INSIG1: variants seen among roughly 807,000 people sequenced by gnomAD.
The protein encoded by INSIG1 is insulin induced gene 1, also known as insulin-induced gene 1 protein.
In INSIG1, 14 loss-of-function variants were observed where a neutral mutation model predicts 26.5. The observed-to-expected ratio is 0.53, with a 90% CI of 0.35 to 0.83. The LOEUF (loss-of-function observed/expected upper bound fraction) is 0.83. INSIG1 is among the 40% of genes least tolerant of loss of function. INSIG1 has a pLI of 0.01. For missense variants in INSIG1, 272 were observed against 368.9 expected, an observed-to-expected ratio of 0.74 and a Z score of 2.15; for synonymous variants, 147 against 153.3, an observed-to-expected ratio of 0.96 and a Z score of 0.30.
rs1344595902 is a variant in INSIG1, at chr7:155,299,274, T to C, written c.412+577T>C. 2.0e-5 allele frequency among the ~76,000 whole-genome samples: 3 copies of C among 152,330 alleles called. 1 individual carries two copies. Among genetic ancestry groups the C allele is most frequent in the Middle Eastern group, 6.8e-3 (2 of 292 alleles). ...TGTTAGAGCTCTGTAGATTACGTTC[T>C]TAAGGAAAAGAGTAACCCCCTTACG... On this transcript the variant is annotated intron_variant, in intron 2 of 5. Coordinates refer to ENST00000340368, the MANE Select transcript of INSIG1 (RefSeq NM_005542.6).
chr7:155,298,178 C>T (rs1433445040), intron 1 of INSIG1, 81 bp from the exon 2 acceptor site: 4 of 1,218,894 alleles, frequency 3.3e-6, no homozygotes, highest in Admixed American at 4.0e-5. Context: ...CCGCCTGGCC[C>T]GGGTGCCGGG....
intron 5 of INSIG1, among the ~76,000 whole-genome samples, chr7:155,304,650 GA>G (rs1374208351): frequency 6.6e-6 from 1 of 152,174 alleles, no homozygotes; most frequent in East Asian, 1.9e-4. Context: ...ATGGTTGGAG[GA>G]AACATTTTCG....
chr7:155,300,565 C>T (rs1355027167), intron 2 of INSIG1, among the ~76,000 whole-genome samples: 1 of 152,114 alleles, frequency 6.6e-6, no homozygotes, highest in Non-Finnish European at 1.5e-5. Flanking sequence ...GACACAGTGA[C>T]CCTTGTGTCC....
intron 2 of INSIG1, 86 bp downstream of exon 2, chr7:155,298,783 T>G: frequency 8.2e-7 from 1 of 1,225,726 alleles, no homozygotes; most frequent in African/African-American, 1.5e-5. Context: ...AACATGCATT[T>G]GAAACTGGAA....
rs1431302565 is a variant in INSIG1 at position 155,298,508 on chromosome 7, C to T, written c.223C>T (p.Pro75Ser). 1 of 1,585,330 alleles carries T rather than the reference C, an allele frequency of 6.3e-7. No individual in the cohort carries two copies. The highest frequency in any genetic ancestry group is 1.8e-5 in the Admixed American group (1 of 56,262). Reference protein sequence around the residue: ...AAMSGPEPGSPYPNTWHHRLL... With the variant: ...AAMSGPEPGSSYPNTWHHRLL... ...GATGAGCGGCCCCGAGCCCGGCAGC[C>T]CCTACCCCAACACCTGGCATCATCG... Residue 75 changes from proline to serine, a missense_variant, in exon 2 of 6, where the codon CCC (proline) becomes TCC (serine). This residue lies in a region of INSIG1 where 161 missense variants were observed against 179.2 expected (regional missense o/e 0.90). Transcript: ENST00000340368.
rs923388499 is a variant in INSIG1, at chr7:155,302,181, C to A, written c.538-70C>A. On this transcript the variant is annotated intron_variant, in intron 3 of 5. Coordinates refer to ENST00000340368, the MANE Select transcript of INSIG1 (RefSeq NM_005542.6). The surrounding 1 kb of genome is among the most constrained non-coding windows in gnomAD (Gnocchi z 4.3). ...AATAATAAAATACCCATGTTTTTAACCCTTGTGGTTTTACGTTTTTTTATC... is the reference window on the plus strand; with the variant it reads ...AATAATAAAATACCCATGTTTTTAAACCTTGTGGTTTTACGTTTTTTTATC... 2.4e-6 allele frequency: 3 copies of A among 1,238,892 alleles called. No individual in the cohort carries two copies. The highest frequency in any genetic ancestry group is 1.6e-5 in the South Asian group (1 of 61,602). 76.7% of individuals were successfully genotyped at this position (1,238,892 alleles called of 1,614,324 possible).
In INSIG1 at chr7:155,299,357, A is replaced by G. The variant is rs148314703; in HGVS notation, c.412+660A>G. ...ATAGATGCTGTACAACGTAACACTG[A>G]GTCAGTCTGAACTGTGGACACGGGG... On this transcript the variant is annotated intron_variant, in intron 2 of 5. Coordinates refer to ENST00000340368, the MANE Select transcript of INSIG1 (RefSeq NM_005542.6). 3.5e-3 allele frequency among the ~76,000 whole-genome samples: 535 copies of G among 152,320 alleles called. 7 individuals are homozygous for G. Among genetic ancestry groups the G allele is most frequent in the African/African-American group, 0.012 (502 of 41,566 alleles).
In INSIG1 at chr7:155,308,374, C is replaced by A. The variant is rs548765721; in HGVS notation, c.*104C>A. Reference sequence around the variant, plus strand: ...TTTTTCTTAAGTAATCTATTTAGATCGGGCTGACTGTACAAATGACTCCTG... The same window carrying A: ...TTTTTCTTAAGTAATCTATTTAGATAGGGCTGACTGTACAAATGACTCCTG... On this transcript the variant is annotated 3_prime_UTR_variant, in exon 6 of 6. Coordinates refer to ENST00000340368, the MANE Select transcript of INSIG1 (RefSeq NM_005542.6). The A allele has an allele frequency of 7.4e-7, 1 of 1,345,654 alleles. No homozygotes were observed. Among genetic ancestry groups the A allele is most frequent in the Admixed American group, 1.7e-5 (1 of 59,320 alleles). 83.4% of individuals were successfully genotyped at this position (1,345,654 alleles called of 1,614,324 possible). A position where few individuals can be genotyped will look rare whatever the true frequency, so the allele number is the denominator to read the frequency against.
intron 5 of INSIG1, chr7:155,303,822 C>T (rs1489817886): frequency 8.1e-6 from 11 of 1,358,268 alleles, no homozygotes; most frequent in Non-Finnish European, 7.9e-6. Flanking sequence ...TTATTTTTGC[C>T]AGCTGATACC....
rs9768652 is a variant in INSIG1, at chr7:155,302,882, C to T, written c.804+36C>T. 0.15 allele frequency: 210,512 copies of T among 1,377,302 alleles called. 17,821 individuals carry two copies. The highest frequency in any genetic ancestry group is 0.29 in the African/African-American group (19,993 of 69,856). The allele number at this position is 1,377,302 out of a possible 1,614,324, so 85.3% of individuals were successfully genotyped here. On this transcript the variant is annotated intron_variant, in intron 5 of 5. Transcript: ENST00000340368. This position sits in a 1 kb window ranked among gnomAD's most constrained non-coding sequence, Gnocchi z 4.3. Reference sequence around the variant, plus strand: ...TGATCATATTATCTTCTAAAACTTGCGTCTCTTTACCTTGATAGAATGACT... The same window carrying T: ...TGATCATATTATCTTCTAAAACTTGTGTCTCTTTACCTTGATAGAATGACT...
At chr7:155,300,125 A>G (rs541884138) in intron 2 of INSIG1, among the ~76,000 whole-genome samples, 2 of 152,154 alleles carry the variant, frequency 1.3e-5, no homozygotes, top group Non-Finnish European at 2.9e-5. Flanking sequence ...TTAAAATTCC[A>G]TGTTTCATAT....
At chr7:155,299,097 G>A (rs1797715826) in intron 2 of INSIG1, among the ~76,000 whole-genome samples, 1 of 152,188 alleles carries the variant, frequency 6.6e-6, no homozygotes, top group Admixed American at 6.5e-5. Flanking sequence ...CATTGGTCGC[G>A]GCAGCAAACA....
At chr7:155,308,126 A>G in intron 5 of INSIG1, 115 bp from the exon 6 acceptor site, 1 of 605,636 alleles carries the variant, frequency 1.7e-6, no homozygotes, top group Non-Finnish European at 2.9e-6. Context: ...TTGTTGCTTC[A>G]GTCAAAGAAA....
chr7:155,305,893 T>C (rs944012146), intron 5 of INSIG1, among the ~76,000 whole-genome samples: 2 of 152,266 alleles, frequency 1.3e-5, no homozygotes, highest in African/African-American at 2.4e-5. Flanking sequence ...GCTTTTTCTA[T>C]GTGGTATTTC....
At chr7:155,303,740 A>C in intron 5 of INSIG1, 1 of 609,526 alleles carries the variant, frequency 1.6e-6, no homozygotes, top group South Asian at 1.9e-5. Context: ...AAAAACCTAG[A>C]GCTGTTGCTC....
chr7:155,301,933 A>AT (rs1276666092), intron 3 of INSIG1, among the ~76,000 whole-genome samples: 1 of 66,164 alleles, frequency 1.5e-5, no homozygotes, highest in Non-Finnish European at 3.0e-5. Flanking sequence ...TATTATATAT[A>AT]TTTTTAAATA....
chr7:155,305,368 A>T (rs1444597790), intron 5 of INSIG1, among the ~76,000 whole-genome samples: 9 of 152,086 alleles, frequency 5.9e-5, no homozygotes, highest in Non-Finnish European at 8.8e-5. Flanking sequence ...GAAATGGCCC[A>T]GGGGCTTCAC....
intron 5 of INSIG1, chr7:155,303,976 CTTTTTTTT>C (rs11385167): frequency 1.5e-3 from 384 of 263,180 alleles, no homozygotes; most frequent in Middle Eastern, 3.8e-3. Flanking sequence ...CTTTGCTTGC[CTTTTTTTT>C]TTTTTTTTTT....
chr7:155,304,110 C>T (rs1313611601), intron 5 of INSIG1, among the ~76,000 whole-genome samples: 3 of 151,802 alleles, frequency 2.0e-5, no homozygotes, highest in Non-Finnish European at 4.4e-5. Context: ...ATTACAGGCA[C>T]ATGCCACCAT....
Sources: allele counts gnomAD v4.1 joint callset (sites outside exome capture counted in the v4.1 genomes callset), GRCh38; gene constraint gnomAD v4.1.1; regional missense constraint gnomAD v4.1.1; non-coding constraint Gnocchi (gnomAD v3.1); transcripts MANE v1.5; gene names NCBI Gene and HGNC (gene_info 2026-07-23, HGNC 2026-07-21).